The following PPP1R10 variants were observed in gnomAD, a reference collection of about 807,000 sequenced individuals.
PPP1R10 encodes the protein serine/threonine-protein phosphatase 1 regulatory subunit 10.
PPP1R10 carries 15 observed loss-of-function variants against 99.0 expected under a neutral mutation model. The observed-to-expected ratio is 0.15, with a 90% CI of 0.10 to 0.23. The LOEUF (loss-of-function observed/expected upper bound fraction) is 0.23. Ranked by LOEUF, PPP1R10 falls within the 10% of genes least tolerant of loss-of-function variation. The pLI is 1.00. For synonymous variants in PPP1R10, 430 were observed against 449.5 expected, an observed-to-expected ratio of 0.96 and a Z score of 0.55; for missense variants, 947 against 1,259.4, an observed-to-expected ratio of 0.75 and a Z score of 3.75.
intron 2 of PPP1R10, among the ~76,000 whole-genome samples, chr6:30,614,362 T>C (rs1206820748): frequency 6.6e-6 from 1 of 152,098 alleles, no homozygotes; most frequent in African/African-American, 2.4e-5. Flanking sequence ...CCAGAAACCG[T>C]AGCTTGATTC....
rs1349882291 is a variant in PPP1R10, at chr6:30,602,674, C to T, written c.1975G>A (p.Gly659Ser). The T allele has an allele frequency of 6.2e-7, 1 of 1,603,962 alleles. No individual in the cohort carries two copies. The highest frequency in any genetic ancestry group is 8.5e-7 in the Non-Finnish European group (1 of 1,176,924). Reference sequence around the variant, plus strand: ...AGAAGACGTGGACCCACTGGCCCACCAGGGCCTCCATGGGGACCTGTAAGG... The same window carrying T: ...AGAAGACGTGGACCCACTGGCCCACTAGGGCCTCCATGGGGACCTGTAAGG... ...GPMPGPHGGP[G>S]GPVGPRLLGP... is the part of the protein sequence containing the mutation. The change falls in exon 19 of 20, where the codon GGT becomes AGT. Residue 659 changes from glycine (G) to serine (S), a missense_variant. Around this residue, in one of 10 missense-constraint regions of PPP1R10, gnomAD observed 525 missense variants for 578.8 expected, o/e 0.91. Transcript: ENST00000376511. The surrounding 1 kb of genome is among the most constrained non-coding windows in gnomAD (Gnocchi z 6.7).
chr6:30,600,978 GAAT>G lies in PPP1R10; in HGVS notation c.*568_*570del, dbSNP rs1803251786. On this transcript the variant is annotated 3_prime_UTR_variant, in exon 20 of 20. Coordinates refer to ENST00000376511, the MANE Select transcript of PPP1R10 (RefSeq NM_002714.4). ...AAGGTCCCACTTGAGAAAGGACTAA[GAAT>G]GGTGAGCCCACGCTGGGGGAGGGGT... The G allele has an allele frequency of 6.5e-6, 1 of 153,204 alleles. No individual in the cohort carries two copies. The highest frequency in any genetic ancestry group is 6.5e-5 in the Admixed American group (1 of 15,346). 9.5% of individuals were successfully genotyped at this position (153,204 alleles called of 1,614,324 possible).
intron 14 of PPP1R10, 79 bp downstream of exon 14, chr6:30,603,929 C>G (rs1240831158): frequency 1.3e-6 from 2 of 1,522,392 alleles, no homozygotes; most frequent in Non-Finnish European, 1.8e-6. Flanking sequence ...AACCTCCACC[C>G]CGTAATTACC....
In PPP1R10 at chr6:30,602,972, A is replaced by AC; in HGVS notation, c.1844-14dup. The AC allele has an allele frequency of 6.5e-7, 1 of 1,528,624 alleles. No individual in the cohort carries two copies. The highest frequency in any genetic ancestry group is 8.8e-7 in the Non-Finnish European group (1 of 1,133,596). The allele number at this position is 1,528,624 out of a possible 1,614,324, so 94.7% of individuals were successfully genotyped here. A position where few individuals can be genotyped will look rare whatever the true frequency, so the allele number is the denominator to read the frequency against. Reference sequence around the variant, plus strand: ...AGTCCATGTGGCACTGTTAATGAAAACAAGAGTAACACAGCATGAGCACTC... The same window carrying AC: ...AGTCCATGTGGCACTGTTAATGAAAACCAAGAGTAACACAGCATGAGCACTC... On this transcript the variant is annotated splice_polypyrimidine_tract_variant and intron_variant, in intron 17 of 19. Coordinates refer to ENST00000376511, the MANE Select transcript of PPP1R10 (RefSeq NM_002714.4). This position sits in a 1 kb window ranked among gnomAD's most constrained non-coding sequence, Gnocchi z 6.7.
chr6:30,613,799 G>A (rs1341994620), intron 2 of PPP1R10, among the ~76,000 whole-genome samples: 1 of 152,190 alleles, frequency 6.6e-6, no homozygotes, highest in Non-Finnish European at 1.5e-5. Context: ...AGGAACCCCA[G>A]TGGGTAGAAT....
intron 2 of PPP1R10, among the ~76,000 whole-genome samples, chr6:30,615,023 G>A (rs990108944): frequency 4.6e-5 from 7 of 152,146 alleles, no homozygotes; most frequent in African/African-American, 1.4e-4. Context: ...GGAGAGAGGA[G>A]GAAGAAAGCT....
chr6:30,604,010 C>G lies in PPP1R10; in HGVS notation c.1506G>C (p.Glu502Asp). ...GGCACGAACCCCACTCTGCTCACCTCTCCTTGTTCAGGAAGAGCTCCTGAA... is the reference window on the plus strand; with the variant it reads ...GGCACGAACCCCACTCTGCTCACCTGTCCTTGTTCAGGAAGAGCTCCTGAA... ...GILQELFLNK[E>D]SPHEPDPEPY... The change falls in exon 14 of 20, where the codon GAG becomes GAC. Residue 502 changes from glutamate (E) to aspartate (D), a missense_variant and splice_region_variant. Transcript: ENST00000376511. The surrounding 1 kb of genome is among the most constrained non-coding windows in gnomAD (Gnocchi z 7.3). 1 of 1,590,308 alleles carries G rather than the reference C, an allele frequency of 6.3e-7. No individual in the cohort carries two copies. Among genetic ancestry groups the G allele is most frequent in the Non-Finnish European group, 8.6e-7 (1 of 1,167,194 alleles).
In PPP1R10 at chr6:30,616,727, G is replaced by A. The variant is rs1313933901; in HGVS notation, c.-261C>T. 6.6e-6 allele frequency: 1 copy of A among 152,166 alleles called. No individual in the cohort carries two copies. Among genetic ancestry groups the A allele is most frequent in the Non-Finnish European group, 1.5e-5 (1 of 68,032 alleles). 9.4% of individuals were successfully genotyped at this position (152,166 alleles called of 1,614,324 possible). On this transcript the variant is annotated 5_prime_UTR_variant, in exon 2 of 20. Coordinates refer to ENST00000376511, the MANE Select transcript of PPP1R10 (RefSeq NM_002714.4). Reference sequence around the variant, plus strand: ...TCAAAAAAGTAAACGCTGGATGAGTGAATTTGGGTGGTTTGGGAAGGGAGG... The same window carrying A: ...TCAAAAAAGTAAACGCTGGATGAGTAAATTTGGGTGGTTTGGGAAGGGAGG...
chr6:30,616,061 G>C (rs1403528817), intron 2 of PPP1R10, among the ~76,000 whole-genome samples: 1 of 152,206 alleles, frequency 6.6e-6, no homozygotes, highest in Non-Finnish European at 1.5e-5. Context: ...CAAAGAAGTG[G>C]TACTTCTGGG....
chr6:30,610,162 CAT>C (rs1182059707), intron 2 of PPP1R10, among the ~76,000 whole-genome samples: 1 of 152,196 alleles, frequency 6.6e-6, no homozygotes, highest in African/African-American at 2.4e-5. Context: ...GCATGGGGAG[CAT>C]ATGTGACTGA....
rs2127435656 is a variant in PPP1R10, at chr6:30,602,367, A to G, written c.2282T>C (p.Met761Thr). Residue 761 changes from methionine (M) to threonine (T), a missense_variant, in exon 19 of 20, where the codon ATG (methionine) becomes ACG (threonine). Physicochemically the swap from Met to Thr is moderately conservative, Grantham distance 81. This residue lies in a region of PPP1R10 where 525 missense variants were observed against 578.8 expected (regional missense o/e 0.91). Coordinates refer to ENST00000376511, the MANE Select transcript of PPP1R10 (RefSeq NM_002714.4). The surrounding 1 kb of genome is among the most constrained non-coding windows in gnomAD (Gnocchi z 6.7). ...GGGACGATGTCCACTGCTGTTGCCC[A>G]TGCCCCCACCAGGGCCTTCGTGAGG... The part of the protein sequence containing the change: ...HRPHEGPGGG[M>T]GNSSGHRPHE... The G allele has an allele frequency of 6.2e-7, 1 of 1,612,510 alleles. No homozygotes were observed. Among genetic ancestry groups the G allele is most frequent in the Non-Finnish European group, 8.5e-7 (1 of 1,179,804 alleles).
At chr6:30,608,251 CA>C (rs1158720565) in intron 5 of PPP1R10, among the ~76,000 whole-genome samples, 1 of 150,666 alleles carries the variant, frequency 6.6e-6, no homozygotes, top group Admixed American at 6.6e-5. Context: ...CTCAGCATCC[CA>C]AAGTGTTGGG....
At chr6:30,601,688 A>G (rs1803331398) in intron 19 of PPP1R10, 30 bp from the exon 20 acceptor site, 1 of 1,595,236 alleles carries the variant, frequency 6.3e-7, no homozygotes, top group Non-Finnish European at 8.6e-7. Context: ...ACAGTTAGAC[A>G]GGAAATAGCT....
intron 16 of PPP1R10, 89 bp from the exon 17 acceptor site, chr6:30,603,374 A>G (rs1803576458): frequency 6.4e-7 from 1 of 1,572,384 alleles, no homozygotes; most frequent in Non-Finnish European, 8.8e-7. Flanking sequence ...GTAAGTGGGT[A>G]GATGTGGAGA....
In PPP1R10 at chr6:30,604,154, G is replaced by A. The variant is rs768613539; in HGVS notation, c.1362C>T (p.Asn454=). 3 of 1,614,030 alleles carry A rather than the reference G, an allele frequency of 1.9e-6. No individual in the cohort carries two copies. The highest frequency in any genetic ancestry group is 2.5e-6 in the Non-Finnish European group (3 of 1,180,036). The stretch of plus-strand genomic sequence containing the variant: ...ACACCCAGGGCACCTTCTCCTCCAT[G>A]TTATCATGGCTCAGACGCCGCGCTG... ...FETARRLSHD[N]MEEKVPWVCP... Residue 454 remains asparagine, a synonymous_variant, in exon 14 of 20, where the codon AAC becomes AAT. Coordinates refer to ENST00000376511, the MANE Select transcript of PPP1R10 (RefSeq NM_002714.4). The surrounding 1 kb of genome is among the most constrained non-coding windows in gnomAD (Gnocchi z 7.3).
chr6:30,604,562 C>G lies in PPP1R10; in HGVS notation c.1102+26G>C. On this transcript the variant is annotated intron_variant, in intron 12 of 19. Coordinates refer to ENST00000376511, the MANE Select transcript of PPP1R10 (RefSeq NM_002714.4). The surrounding 1 kb of genome is among the most constrained non-coding windows in gnomAD (Gnocchi z 7.3). ...CAGATCCCTCCTTTCAGAAAACCCCCCAAACTGAACCAGTTTCTAGATTAC... is the reference window on the plus strand; with the variant it reads ...CAGATCCCTCCTTTCAGAAAACCCCGCAAACTGAACCAGTTTCTAGATTAC... 5 of 1,612,848 alleles carry G rather than the reference C, an allele frequency of 3.1e-6. No homozygotes were observed. The highest frequency in any genetic ancestry group is 4.2e-6 in the Non-Finnish European group (5 of 1,179,922).
rs750766570 is a variant in PPP1R10 at position 30,601,520 on chromosome 6, G to C, written c.*29C>G. 3.0e-5 allele frequency: 47 copies of C among 1,577,298 alleles called. No homozygotes were observed. The highest frequency in any genetic ancestry group is 3.9e-5 in the Non-Finnish European group (45 of 1,147,004). ...AAGAGCGAGGCTGCAGTCCACAGGG[G>C]TTGTGTGAACAGGGCAGGCAAATGG... On this transcript the variant is annotated 3_prime_UTR_variant, in exon 20 of 20. Transcript: ENST00000376511.
intron 14 of PPP1R10, 22 bp downstream of exon 14, chr6:30,603,986 G>A (rs939448395): frequency 1.9e-6 from 3 of 1,561,736 alleles, no homozygotes; most frequent in African/African-American, 1.4e-5. Context: ...ACATCCCAGG[G>A]CACGAACCCC....
chr6:30,607,953 TA>T, intron 5 of PPP1R10, 62 bp from the exon 6 acceptor site: 1 of 1,453,064 alleles, frequency 6.9e-7, no homozygotes. Flanking sequence ...CACTTAGAGC[TA>T]AAAACGACAA....
Sources: gnomAD v4.1 joint callset for allele counts (sites outside exome capture counted in the v4.1 genomes callset) on GRCh38, gnomAD v4.1.1 for gene constraint, gnomAD v4.1.1 regional missense constraint, Gnocchi (gnomAD v3.1) non-coding constraint, MANE v1.5 for transcripts, NCBI Gene and HGNC (gene_info 2026-07-23, HGNC 2026-07-21) for gene names.